Variants in ZNF215 observed in about 807,000 individuals in gnomAD.
ZNF215 encodes the protein BWSCR2-associated zinc finger protein 2.
A neutral mutation model predicts 27.2 loss-of-function variants in ZNF215; 24 were observed. The ratio of observed to expected loss-of-function variants is 0.88; its 90% CI spans 0.64 to 1.24. The LOEUF (loss-of-function observed/expected upper bound fraction) is 1.24. ZNF215 is among the 50% of genes most tolerant of loss of function. The pLI is 0.00. For synonymous variants in ZNF215, 210 were observed against 204.0 expected, an observed-to-expected ratio of 1.03 and a Z score of -0.25; for missense variants, 675 against 605.7, an observed-to-expected ratio of 1.11 and a Z score of -1.20.
At chr11:6,953,369 C>T (rs1850168487) in intron 6 of ZNF215, among the ~76,000 whole-genome samples, 1 of 152,242 alleles carries the variant, frequency 6.6e-6, no homozygotes, top group Non-Finnish European at 1.5e-5. Context: ...CTTTCAGATA[C>T]ACCAATCAGA....
At chr11:6,940,179 G>A (rs1425595103) in intron 3 of ZNF215, among the ~76,000 whole-genome samples, 1 of 151,528 alleles carries the variant, frequency 6.6e-6, no homozygotes, top group African/African-American at 2.4e-5. Flanking sequence ...ATTGTAGTGA[G>A]GTGTGACTGT....
At chr11:6,987,641 C>T (rs1851073714), downstream of ZNF215, among the ~76,000 whole-genome samples, 1 of 152,094 alleles carries the variant, frequency 6.6e-6, no homozygotes, top group African/African-American at 2.4e-5. Context: ...AGCCAGTTGC[C>T]CTGCAGCTTA....
chr11:6,979,223 G>A (rs1241817276), intron 5 of ZNF215, among the ~76,000 whole-genome samples: 1 of 151,950 alleles, frequency 6.6e-6, no homozygotes, highest in Non-Finnish European at 1.5e-5. Context: ...TGACATAGTA[G>A]CAATACGGTT....
intron 6 of ZNF215, among the ~76,000 whole-genome samples, chr11:6,952,432 T>C (rs1210186163): frequency 6.6e-6 from 1 of 152,170 alleles, no homozygotes; most frequent in Non-Finnish European, 1.5e-5. Context: ...ATTGGGTGCA[T>C]ATATATTTAG....
intron 5 of ZNF215, among the ~76,000 whole-genome samples, chr11:6,982,022 T>C (rs1850963535): frequency 6.6e-6 from 1 of 152,134 alleles, no homozygotes; most frequent in South Asian, 2.1e-4. Context: ...CCTTGTAGTA[T>C]AGTTTGAAGT....
chr11:6,958,928 C>T (rs1386161242), downstream of ZNF215, among the ~76,000 whole-genome samples: 1 of 152,178 alleles, frequency 6.6e-6, no homozygotes, highest in Non-Finnish European at 1.5e-5. Context: ...ATTTTGGCCA[C>T]ACTGGCAGCT....
chr11:6,959,887 T>G (rs1244337714), downstream of ZNF215, among the ~76,000 whole-genome samples: 1 of 152,164 alleles, frequency 6.6e-6, no homozygotes, highest in African/African-American at 2.4e-5. Context: ...ACCTAGGTGT[T>G]TATAAGAATT....
Position 6,932,772 on chromosome 11 carries a change from G to C in ZNF215, c.400+100G>C, listed in dbSNP as rs2133159242. 4.3e-6 allele frequency: 5 copies of C among 1,152,324 alleles called. 1 individual carries two copies. In the South Asian group the frequency reaches 8.2e-5, roughly 19 times the overall value. 71.4% of individuals were successfully genotyped at this position (1,152,324 alleles called of 1,614,324 possible). On this transcript the variant is annotated intron_variant, in intron 3 of 6. Transcript: ENST00000278319. ...CAGAGAGTATCAAGTGCCAGATCTT[G>C]AAGGACTTTATATTACTCTATTAGG...
downstream of ZNF215, among the ~76,000 whole-genome samples, chr11:6,992,537 C>T (rs2133367503): frequency 6.6e-6 from 1 of 152,246 alleles, no homozygotes; most frequent in Non-Finnish European, 1.5e-5. Flanking sequence ...GTAAATTGTC[C>T]TCAGAGGGAA....
chr11:6,941,360 G>A (rs1460024175), intron 3 of ZNF215, among the ~76,000 whole-genome samples: 1 of 152,176 alleles, frequency 6.6e-6, no homozygotes, highest in Non-Finnish European at 1.5e-5. Flanking sequence ...CTCAGCCCAT[G>A]GTAGCATATC....
chr11:6,974,620 T>A (rs1850792230), intron 5 of ZNF215, among the ~76,000 whole-genome samples: 2 of 152,158 alleles, frequency 1.3e-5, no homozygotes, highest in African/African-American at 4.8e-5. Context: ...CCCTTGTAAG[T>A]TGGATTCCTA....
At chr11:6,959,970 T>G (rs751377127), downstream of ZNF215, among the ~76,000 whole-genome samples, 8 of 152,062 alleles carry the variant, frequency 5.3e-5, no homozygotes, top group Non-Finnish European at 8.8e-5. Context: ...CATATACAGA[T>G]GTATACATAT....
At chr11:6,941,476 A>T in intron 3 of ZNF215, 95 bp from the exon 4 acceptor site, 1 of 1,075,488 alleles carries the variant, frequency 9.3e-7, no homozygotes, top group Non-Finnish European at 1.3e-6. Flanking sequence ...TTCTATGGAT[A>T]ATTCCTGTGA....
At chr11:6,960,027 A>G (rs530233635), downstream of ZNF215, among the ~76,000 whole-genome samples, 8 of 152,270 alleles carry the variant, frequency 5.3e-5, no homozygotes, top group South Asian at 1.4e-3. Context: ...AAATTTGACC[A>G]TGCTGTGGAA....
At chr11:6,990,123 C>T (rs758675344), downstream of ZNF215, among the ~76,000 whole-genome samples, 19 of 152,176 alleles carry the variant, frequency 1.2e-4, no homozygotes, top group Admixed American at 1.2e-3. Context: ...ACCTTTCCTC[C>T]TGTCTCCTTG....
At chr11:6,975,564 G>A (rs564222894) in intron 5 of ZNF215, among the ~76,000 whole-genome samples, 3 of 151,220 alleles carry the variant, frequency 2.0e-5, no homozygotes, top group Admixed American at 1.3e-4. Flanking sequence ...TATTCTCTAC[G>A]TCCGTGAGTT....
chr11:6,952,394 C>G (rs539390606), intron 6 of ZNF215, among the ~76,000 whole-genome samples: 1,535 of 152,228 alleles, frequency 0.01, 26 homozygotes, highest in African/African-American at 0.035. Flanking sequence ...TCACTCAGGA[C>G]TTGCTTTATG....
chr11:6,940,230 T>TAAAAAAAAAAAA (rs749709865), intron 3 of ZNF215, among the ~76,000 whole-genome samples: 1 of 133,304 alleles, frequency 7.5e-6, no homozygotes, highest in Non-Finnish European at 1.6e-5. Context: ...AGACCCTCTT[T>TAAAAAAAAAAAA]AAAAAAAAAA....
intron 3 of ZNF215, among the ~76,000 whole-genome samples, chr11:6,940,367 C>T (rs2857892): frequency 0.88 from 134,022 of 152,166 alleles, 60,032 homozygotes; most frequent in East Asian, 1. Flanking sequence ...TGTGGTGGTG[C>T]GAACACCACT....
Sources: allele counts gnomAD v4.1 joint callset (sites outside exome capture counted in the v4.1 genomes callset), GRCh38; gene constraint gnomAD v4.1.1; transcripts MANE v1.5; gene names NCBI Gene and HGNC (gene_info 2026-07-23, HGNC 2026-07-21).